Variants in PCDH15 observed in about 807,000 individuals in gnomAD.
PCDH15 encodes protocadherin related 15.
In PCDH15, 129 loss-of-function variants were observed where a neutral mutation model predicts 178.5. That is an observed-to-expected ratio of 0.72 (90% CI 0.63 to 0.84). PCDH15 has a LOEUF of 0.84. PCDH15 is among the 40% of genes least tolerant of loss of function. PCDH15 has a pLI of 0.00. For missense variants in PCDH15, 2,230 were observed against 2,099.9 expected (o/e 1.06, Z -1.21); for synonymous variants, 800 against 732.0 (o/e 1.09, Z -1.50).
intron 2 of PCDH15, among the ~76,000 whole-genome samples, chr10:55,159,384 TATATACAC>T (rs1838996208): frequency 1.3e-4 from 1 of 7,428 alleles, no homozygotes; most frequent in Non-Finnish European, 1.2e-3. Flanking sequence ...TATATATATA[TATATACAC>T]ACATACACAT....
At chr10:54,588,649 C>T (rs1024363725) in intron 2 of PCDH15, among the ~76,000 whole-genome samples, 5 of 110,552 alleles carry the variant, frequency 4.5e-5, no homozygotes, top group Non-Finnish European at 9.3e-5. Flanking sequence ...ATGATCACAG[C>T]TCCATGCAGC....
chr10:53,982,262 C>A (rs577006387), intron 21 of PCDH15, among the ~76,000 whole-genome samples: 1 of 152,114 alleles, frequency 6.6e-6, no homozygotes, highest in Non-Finnish European at 1.5e-5. Flanking sequence ...GTCAGTGTGG[C>A]GATTCCTCAG....
chr10:55,490,767 A>G (rs919888217), intron 2 of PCDH15, among the ~76,000 whole-genome samples: 9 of 151,828 alleles, frequency 5.9e-5, no homozygotes, highest in African/African-American at 1.9e-4. Context: ...CATTTAATAG[A>G]AAGCATAACA....
rs150152709 is a variant in PCDH15, at chr10:55,262,891, C to T, written c.-156+56708G>A. Reference sequence around the variant, plus strand: ...TAAATGGCTAAACTGAAAGAGCACACTCTAACACACGCCCATTGGGACTTC... The same window carrying T: ...TAAATGGCTAAACTGAAAGAGCACATTCTAACACACGCCCATTGGGACTTC... On this transcript the variant is annotated intron_variant, in intron 1 of 5. Coordinates refer to the PCDH15 transcript ENST00000458638. Among the ~76,000 whole-genome samples the T allele has an allele frequency of 9.1e-4, 138 of 152,274 alleles. 1 individual carries two copies. Among genetic ancestry groups the T allele is most frequent in the Middle Eastern group, 3.4e-3 (1 of 294 alleles).
chr10:54,315,991 G>A (rs1030010880), intron 8 of PCDH15, among the ~76,000 whole-genome samples: 1 of 142,506 alleles, frequency 7.0e-6, no homozygotes, highest in Non-Finnish European at 1.5e-5. Context: ...TTTTTTTTTG[G>A]CTGGGATTCA....
chr10:54,263,487 T>C (rs2057468674), intron 8 of PCDH15, among the ~76,000 whole-genome samples: 1 of 152,124 alleles, frequency 6.6e-6, no homozygotes, highest in African/African-American at 2.4e-5. Flanking sequence ...GATGCTCCAG[T>C]GAGGACAAGC....
intron 21 of PCDH15, among the ~76,000 whole-genome samples, chr10:53,965,018 A>G (rs1342461243): frequency 1.3e-5 from 2 of 151,806 alleles, no homozygotes. Context: ...ATGCATTTTC[A>G]TACCTACAAT....
chr10:54,451,393 T>C (rs2076470398), intron 3 of PCDH15, among the ~76,000 whole-genome samples: 1 of 151,950 alleles, frequency 6.6e-6, no homozygotes, highest in Admixed American at 6.6e-5. Context: ...TAAGGTATAG[T>C]TTGGATGAGT....
At chr10:54,245,759 C>A (rs139406098) in intron 8 of PCDH15, among the ~76,000 whole-genome samples, 3 of 151,950 alleles carry the variant, frequency 2.0e-5, no homozygotes, top group African/African-American at 7.2e-5. Context: ...AAAATGAAAT[C>A]TATCACTAGG....
intron 3 of PCDH15, chr10:54,864,578 A>G (rs1010768274): frequency 1.3e-5 from 2 of 152,162 alleles, no homozygotes; most frequent in African/African-American, 2.4e-5. Flanking sequence ...AATATTGTCT[A>G]TGGGTCAGAA....
chr10:55,211,486 A>C (rs887393737), intron 1 of PCDH15, among the ~76,000 whole-genome samples: 2 of 152,144 alleles, frequency 1.3e-5, no homozygotes, highest in African/African-American at 4.8e-5. Flanking sequence ...AGGGAAAAAG[A>C]AATTCACATA....
At chr10:54,495,964 T>C (rs117393810) in intron 3 of PCDH15, among the ~76,000 whole-genome samples, 5,138 of 152,296 alleles carry the variant, frequency 0.034, 104 homozygotes, top group Non-Finnish European at 0.055. Context: ...AATAGGACTC[T>C]GTTTCAGATA....
chr10:55,412,444 A>G (rs1352664972), intron 2 of PCDH15, among the ~76,000 whole-genome samples: 1 of 152,006 alleles, frequency 6.6e-6, no homozygotes, highest in Non-Finnish European at 1.5e-5. Context: ...TATGTGCAAT[A>G]GAGTAGAGTG....
intron 1 of PCDH15, among the ~76,000 whole-genome samples, chr10:54,745,141 A>G (rs1945287975): frequency 6.6e-6 from 1 of 152,190 alleles, no homozygotes; most frequent in African/African-American, 2.4e-5. Flanking sequence ...ATTATAGCTC[A>G]ATGATTTAAA....
At chr10:55,149,671 G>A (rs1396858442) in intron 2 of PCDH15, among the ~76,000 whole-genome samples, 3 of 139,172 alleles carry the variant, frequency 2.2e-5, no homozygotes, top group African/African-American at 7.8e-5. Context: ...TCGTTTTCAG[G>A]TTTTCACCAG....
At chr10:53,906,735 T>C (rs569594752) in intron 25 of PCDH15, 1 of 152,268 alleles carries the variant, frequency 6.6e-6, no homozygotes, top group East Asian at 1.9e-4. Flanking sequence ...GATGTTTGAT[T>C]TTCTTGCAGA....
At chr10:54,725,195 T>C (rs907572223) in intron 1 of PCDH15, among the ~76,000 whole-genome samples, 24 of 151,270 alleles carry the variant, frequency 1.6e-4, no homozygotes, top group Non-Finnish European at 2.2e-4. Context: ...ACTTTAACCA[T>C]TTCTTGCGAA....
At chr10:55,121,716 CT>C (rs1478974104) in intron 2 of PCDH15, among the ~76,000 whole-genome samples, 1 of 152,090 alleles carries the variant, frequency 6.6e-6, no homozygotes, top group Non-Finnish European at 1.5e-5. Context: ...CAACTAGATC[CT>C]TCTGCCCTTT....
intron 1 of PCDH15, among the ~76,000 whole-genome samples, chr10:54,762,075 T>A (rs1947945583): frequency 1.3e-5 from 2 of 152,138 alleles, no homozygotes; most frequent in African/African-American, 4.8e-5. Context: ...AGAACTCAGA[T>A]ATACTCTCCA....
Sources: gnomAD v4.1 joint callset for allele counts (sites outside exome capture counted in the v4.1 genomes callset) on GRCh38, gnomAD v4.1.1 for gene constraint, MANE v1.5 for transcripts, NCBI Gene and HGNC (gene_info 2026-07-23, HGNC 2026-07-21) for gene names.